Variants in SLC9A4 observed in about 807,000 individuals in gnomAD.
The protein encoded by SLC9A4 is solute carrier family 9 member A4.
SLC9A4 carries 63 observed loss-of-function variants against 67.4 expected under a neutral mutation model. The observed-to-expected ratio is 0.93, with a 90% confidence interval of 0.76 to 1.15. The LOEUF is 1.15. Among genes scored for constraint, SLC9A4 ranks in the 50% most tolerant of loss-of-function variants. The probability of loss-of-function intolerance (pLI) is 0.00; values close to 1 mark genes in which losing one functional copy is unlikely to be tolerated. For missense variants in SLC9A4, 1,089 were observed against 987.7 expected (o/e 1.10, Z -1.38); for synonymous variants, 393 against 367.2 (o/e 1.07, Z -0.80).
intron 9 of SLC9A4, 128 bp downstream of exon 9, chr2:102,520,083 A>T: frequency 3.0e-6 from 2 of 672,252 alleles, no homozygotes; most frequent in African/African-American, 3.7e-5. Flanking sequence ...CTTGCTGAAT[A>T]TTTTCTCTCT....
intron 8 of SLC9A4, among the ~76,000 whole-genome samples, chr2:102,514,678 C>T (rs1402752772): frequency 1.3e-5 from 2 of 152,134 alleles, no homozygotes; most frequent in Admixed American, 1.3e-4. Flanking sequence ...GAGATGATAA[C>T]TTGGATTTGG....
chr2:102,527,962 C>A (rs374383410), intron 11 of SLC9A4, among the ~76,000 whole-genome samples: 1 of 151,884 alleles, frequency 6.6e-6, no homozygotes, highest in Non-Finnish European at 1.5e-5. Context: ...TTTGAAGAAC[C>A]CTATATAACA....
At chr2:102,484,188 T>G (rs1684536204) in intron 2 of SLC9A4, among the ~76,000 whole-genome samples, 1 of 152,144 alleles carries the variant, frequency 6.6e-6, no homozygotes, top group African/African-American at 2.4e-5. Context: ...TAAAATAAAC[T>G]GCACAAGGAC....
At chr2:102,481,434 A>G (rs1684459451) in intron 2 of SLC9A4, among the ~76,000 whole-genome samples, 3 of 152,230 alleles carry the variant, frequency 2.0e-5, no homozygotes, top group African/African-American at 7.2e-5. Flanking sequence ...CACATGCTGT[A>G]CATTGAAAGC....
intron 4 of SLC9A4, among the ~76,000 whole-genome samples, chr2:102,507,540 C>A (rs1685074907): frequency 6.6e-6 from 1 of 152,064 alleles, no homozygotes; most frequent in South Asian, 2.1e-4. Flanking sequence ...CCAACCCTTG[C>A]CAACTTCCTT....
chr2:102,499,610 T>G (rs903204133), intron 2 of SLC9A4, among the ~76,000 whole-genome samples: 1 of 152,196 alleles, frequency 6.6e-6, no homozygotes, highest in Non-Finnish European at 1.5e-5. Context: ...ATGTTGTGTG[T>G]GTACTTGCTT....
At chr2:102,495,688 T>C (rs1573336494) in intron 2 of SLC9A4, among the ~76,000 whole-genome samples, 1 of 152,240 alleles carries the variant, frequency 6.6e-6, no homozygotes. Flanking sequence ...TGAAAGAGAC[T>C]GGAGAGTTTA....
At chr2:102,516,008 A>C (rs574855621) in intron 8 of SLC9A4, among the ~76,000 whole-genome samples, 1 of 152,326 alleles carries the variant, frequency 6.6e-6, no homozygotes, top group South Asian at 2.1e-4. Flanking sequence ...AGTTTAGACC[A>C]TTTCACTTAT....
At chr2:102,505,227 TTC>T (rs376149701) in intron 3 of SLC9A4, 25 bp from the exon 4 acceptor site, 5 of 1,604,356 alleles carry the variant, frequency 3.1e-6, no homozygotes, top group African/African-American at 2.7e-5. Flanking sequence ...CTCATGGATT[TTC>T]TCTGAGACTC....
At chr2:102,474,277 G>T (rs926332073) in intron 1 of SLC9A4, among the ~76,000 whole-genome samples, 1 of 152,184 alleles carries the variant, frequency 6.6e-6, no homozygotes, top group African/African-American at 2.4e-5. Flanking sequence ...TGACAACCAT[G>T]TGACATTGTT....
Position 102,508,182 on chromosome 2 carries a change from T to G in SLC9A4, c.1302T>G (p.Ser434Arg). The G allele has an allele frequency of 6.2e-7, 1 of 1,614,196 alleles. No homozygotes were observed. Among genetic ancestry groups the G allele is most frequent in the Non-Finnish European group, 8.5e-7 (1 of 1,180,028 alleles). Reference protein sequence around the residue: ...IFYSGVRGAGSFSLAFLLPLS... With the variant: ...IFYSGVRGAGRFSLAFLLPLS... ...ACAGTGGTGTTCGAGGAGCTGGAAGTTTTTCACTTGCATTTTTGCTTCCTC... is the reference window on the plus strand; with the variant it reads ...ACAGTGGTGTTCGAGGAGCTGGAAGGTTTTCACTTGCATTTTTGCTTCCTC... The change falls in exon 5 of 12, where the codon AGT becomes AGG. Residue 434 changes from serine (S) to arginine (R), a missense_variant. By Grantham distance (110) the Ser-to-Arg change is moderately radical. Transcript: ENST00000295269.
intron 2 of SLC9A4, among the ~76,000 whole-genome samples, chr2:102,485,059 G>T (rs78445975): frequency 1.3e-5 from 2 of 152,118 alleles, no homozygotes; most frequent in African/African-American, 2.4e-5. Context: ...ACCTTAATGA[G>T]GTGGTGATAG....
chr2:102,515,995 T>C (rs1200806077), intron 8 of SLC9A4, among the ~76,000 whole-genome samples: 5 of 152,218 alleles, frequency 3.3e-5, no homozygotes, highest in African/African-American at 4.8e-5. Context: ...TGCTGATTAA[T>C]GCAGTTTAGA....
intron 2 of SLC9A4, among the ~76,000 whole-genome samples, chr2:102,479,778 C>G (rs1228788899): frequency 6.6e-6 from 1 of 152,104 alleles, no homozygotes; most frequent in Non-Finnish European, 1.5e-5. Flanking sequence ...GAGATGACAA[C>G]AGATTTGTGA....
rs1440347061 is a variant in SLC9A4, at chr2:102,533,433, G to A, written c.*745G>A. On this transcript the variant is annotated 3_prime_UTR_variant, in exon 12 of 12. Transcript: ENST00000295269. ...ATGTTAACAACAAGTATTTATAAGGGGTGCATTTGTAGGGTGTGACATTTT... is the reference window on the plus strand; with the variant it reads ...ATGTTAACAACAAGTATTTATAAGGAGTGCATTTGTAGGGTGTGACATTTT... The A allele has an allele frequency of 6.6e-6, 1 of 151,972 alleles. No individual in the cohort carries two copies. The highest frequency in any genetic ancestry group is 1.5e-5 in the Non-Finnish European group (1 of 67,970). The allele number at this position is 151,972 out of a possible 1,614,324, so 9.4% of individuals were successfully genotyped here.
In SLC9A4 at chr2:102,503,499, A is replaced by G. The variant is rs1206692850; in HGVS notation, c.772A>G (p.Ile258Val). ...AFTKMHKFED[I>V]ETVDILAGCA... ...TACAAAGATGCATAAATTTGAAGAC[A>G]TAGAAACTGTCGACATTTTGGCTGG... The change falls in exon 3 of 12, where the codon ATA becomes GTA. Residue 258 changes from isoleucine to valine, a missense_variant. Coordinates refer to ENST00000295269, the MANE Select transcript of SLC9A4 (RefSeq NM_001011552.4). 1 of 1,614,156 alleles carries G rather than the reference A, an allele frequency of 6.2e-7. No homozygotes were observed. Among genetic ancestry groups the G allele is most frequent in the Non-Finnish European group, 8.5e-7 (1 of 1,179,982 alleles).
intron 2 of SLC9A4, among the ~76,000 whole-genome samples, chr2:102,501,659 G>C (rs1196353241): frequency 6.6e-6 from 1 of 151,970 alleles, no homozygotes; most frequent in African/African-American, 2.4e-5. Context: ...GGGAGGAATG[G>C]CTTCCTGCAG....
intron 2 of SLC9A4, among the ~76,000 whole-genome samples, chr2:102,482,647 T>C (rs1684490417): frequency 6.6e-6 from 1 of 152,160 alleles, no homozygotes; most frequent in Admixed American, 6.5e-5. Flanking sequence ...AGATCCAAGT[T>C]TTTTGGAGGT....
rs537646021 is a variant in SLC9A4 at position 102,478,635 on chromosome 2, T to C, written c.257-204T>C. On this transcript the variant is annotated intron_variant, in intron 1 of 11. Transcript: ENST00000295269. Reference sequence around the variant, plus strand: ...GGGGGCAGCTGGCTGTGAATGATTCTGTGACCTGCGCCGAGCTGGGCATGT... The same window carrying C: ...GGGGGCAGCTGGCTGTGAATGATTCCGTGACCTGCGCCGAGCTGGGCATGT... Among the ~76,000 whole-genome samples, 4 of 152,334 alleles carry C rather than the reference T, an allele frequency of 2.6e-5. No individual in the cohort carries two copies. In the East Asian group the frequency reaches 7.7e-4, roughly 29 times the overall value.
Sources: allele counts gnomAD v4.1 joint callset (sites outside exome capture counted in the v4.1 genomes callset), GRCh38; gene constraint gnomAD v4.1.1; transcripts MANE v1.5; gene names NCBI Gene and HGNC (gene_info 2026-07-23, HGNC 2026-07-21).